Variants in BBS9 observed in about 807,000 individuals in gnomAD.
The protein encoded by BBS9 is protein PTHB1.
Under a neutral mutation model 117.7 loss-of-function variants are expected in BBS9, and 89 were observed. The ratio of observed to expected loss-of-function variants is 0.76; its 90% CI spans 0.64 to 0.90. The LOEUF is 0.90. Ranked by LOEUF, BBS9 falls within the 40% of genes least tolerant of loss-of-function variation. The pLI, the probability that BBS9 is intolerant of heterozygous loss-of-function variation, is 0.00. For missense variants in BBS9, 982 were observed against 1,042.2 expected, an observed-to-expected ratio of 0.94 and a Z score of 0.80; for synonymous variants, 379 against 370.9, an observed-to-expected ratio of 1.02 and a Z score of -0.25.
Position 33,598,445 on chromosome 7 carries a change from C to T in BBS9, c.2522-6420C>T, listed in dbSNP as rs887724548. 2.6e-5 allele frequency among the ~76,000 whole-genome samples: 4 copies of T among 151,990 alleles called. No individual in the cohort carries two copies. In the East Asian group the frequency reaches 5.8e-4, roughly 22 times the overall value. ...TGTTATGAAGTATTCTGGATAGCAT[C>T]CTGAAAAAGACAAAGGACATTAAGT... On this transcript the variant is annotated intron_variant, in intron 21 of 22. Transcript: ENST00000242067.
At chr7:33,422,443 A>G (rs1302244180) in intron 19 of BBS9, among the ~76,000 whole-genome samples, 1 of 152,202 alleles carries the variant, frequency 6.6e-6, no homozygotes, top group African/African-American at 2.4e-5. Context: ...TTAGAGAGAA[A>G]GTGATATTTT....
chr7:33,260,412 G>C (rs1457248960), intron 6 of BBS9, among the ~76,000 whole-genome samples: 2 of 152,148 alleles, frequency 1.3e-5, no homozygotes, highest in Non-Finnish European at 2.9e-5. Flanking sequence ...TGGTTCAACT[G>C]TCTTCCTTTT....
At chr7:33,183,568 C>T (rs1798384818) in intron 5 of BBS9, among the ~76,000 whole-genome samples, 1 of 152,122 alleles carries the variant, frequency 6.6e-6, no homozygotes, top group Non-Finnish European at 1.5e-5. Context: ...ACAGGTGAAA[C>T]CAATAAGCCT....
chr7:33,548,486 A>G, intron 21 of BBS9, among the ~76,000 whole-genome samples: 1 of 135,554 alleles, frequency 7.4e-6, no homozygotes, highest in Non-Finnish European at 1.6e-5. Flanking sequence ...TCCCAATGCT[A>G]TCCCTCCCCC....
chr7:33,607,314 T>C (rs1292531835), downstream of BBS9, among the ~76,000 whole-genome samples: 1 of 152,168 alleles, frequency 6.6e-6, no homozygotes, highest in Non-Finnish European at 1.5e-5. Flanking sequence ...CTGATGTGAC[T>C]GTCCTACTAT....
chr7:33,184,584 G>A (rs1798558945), intron 5 of BBS9, among the ~76,000 whole-genome samples: 2 of 152,124 alleles, frequency 1.3e-5, no homozygotes, highest in Non-Finnish European at 2.9e-5. Context: ...TTCTGTCTTA[G>A]GAGAGACTTT....
intron 19 of BBS9, among the ~76,000 whole-genome samples, chr7:33,462,128 G>A (rs1323304543): frequency 6.6e-6 from 1 of 151,982 alleles, no homozygotes; most frequent in Non-Finnish European, 1.5e-5. Flanking sequence ...CTAAAACCTT[G>A]ACTCTAGTTT....
chr7:33,258,026 TGA>T (rs1562889862), intron 6 of BBS9, among the ~76,000 whole-genome samples: 4 of 152,190 alleles, frequency 2.6e-5, no homozygotes, highest in Admixed American at 2.6e-4. Flanking sequence ...AAATTGTGTA[TGA>T]GAGAGACTGT....
At chr7:33,491,036 A>G (rs1485160537) in intron 19 of BBS9, among the ~76,000 whole-genome samples, 3 of 152,138 alleles carry the variant, frequency 2.0e-5, no homozygotes, top group Non-Finnish European at 4.4e-5. Context: ...TATAGAGACC[A>G]TATGAAGGAA....
At chr7:33,167,647 C>T (rs1412570021) in intron 4 of BBS9, among the ~76,000 whole-genome samples, 3 of 152,096 alleles carry the variant, frequency 2.0e-5, no homozygotes, top group Non-Finnish European at 4.4e-5. Flanking sequence ...GATCCACCCT[C>T]CTCAGCCTCC....
At chr7:33,417,845 A>T (rs1011083611) in intron 19 of BBS9, among the ~76,000 whole-genome samples, 1 of 152,206 alleles carries the variant, frequency 6.6e-6, no homozygotes, top group African/African-American at 2.4e-5. Flanking sequence ...AAATCAGGTA[A>T]TGAGGAGAGA....
intron 5 of BBS9, among the ~76,000 whole-genome samples, chr7:33,227,396 C>G (rs1253462415): frequency 6.6e-6 from 1 of 152,072 alleles, no homozygotes; most frequent in Non-Finnish European, 1.5e-5. Context: ...GATCCCCTGC[C>G]TTGATCCTCC....
chr7:33,349,007 G>A, intron 12 of BBS9, 61 bp from the exon 13 acceptor site: 1 of 1,187,882 alleles, frequency 8.4e-7, no homozygotes. Flanking sequence ...AAGTAGTTAC[G>A]ATAGTCTATC....
At chr7:33,421,179 A>ATT (rs397962607) in intron 19 of BBS9, among the ~76,000 whole-genome samples, 3,964 of 146,574 alleles carry the variant, frequency 0.027, 170 homozygotes, top group African/African-American at 0.094. Flanking sequence ...AGGATTTTTA[A>ATT]TTTTTTTTTT....
intron 20 of BBS9, among the ~76,000 whole-genome samples, chr7:33,527,457 GT>G (rs2129051217): frequency 6.6e-6 from 1 of 152,304 alleles, no homozygotes; most frequent in African/African-American, 2.4e-5. Context: ...GTGGTGCGCC[GT>G]TTTTTAAGCG....
At chr7:33,170,469 A>G (rs1408512773) in intron 4 of BBS9, among the ~76,000 whole-genome samples, 1 of 145,144 alleles carries the variant, frequency 6.9e-6, no homozygotes, top group Admixed American at 6.9e-5. Context: ...AATAAGAGCT[A>G]TCTATGACAA....
rs549946219 is a variant in BBS9, at chr7:33,577,272, G to A, written c.2522-27593G>A. ...GAACAGACACTTCTCAAAAGAAGAC[G>A]TTTATGCAGGCAACAGACACATGAA... On this transcript the variant is annotated intron_variant, in intron 21 of 22. Coordinates refer to ENST00000242067, the MANE Select transcript of BBS9 (RefSeq NM_198428.3). Among the ~76,000 whole-genome samples, 20 of 152,218 alleles carry A rather than the reference G, an allele frequency of 1.3e-4. 1 individual carries two copies. The highest frequency in any genetic ancestry group is 6.2e-4 in the South Asian group (3 of 4,826).
At chr7:33,536,965 C>T (rs1486882558) in intron 21 of BBS9, among the ~76,000 whole-genome samples, 3 of 151,710 alleles carry the variant, frequency 2.0e-5, no homozygotes, top group Admixed American at 6.6e-5. Flanking sequence ...GTAGTTGTAT[C>T]AGAATATACA....
At chr7:33,527,703 G>A (rs1212115571) in intron 20 of BBS9, among the ~76,000 whole-genome samples, 3 of 152,186 alleles carry the variant, frequency 2.0e-5, no homozygotes, top group East Asian at 1.9e-4. Flanking sequence ...GAAATCACCC[G>A]TCTTCTGCGT....
Sources: allele counts gnomAD v4.1 joint callset (sites outside exome capture counted in the v4.1 genomes callset), GRCh38; gene constraint gnomAD v4.1.1; transcripts MANE v1.5; gene names NCBI Gene and HGNC (gene_info 2026-07-23, HGNC 2026-07-21).